ROR2: variants seen among roughly 807,000 people sequenced by gnomAD.
The protein encoded by ROR2 is ROR family WNT receptor 2.
A neutral mutation model predicts 74.9 loss-of-function variants in ROR2; 33 were observed. That is an observed-to-expected ratio of 0.44 (90% CI 0.33 to 0.59). The LOEUF is 0.59. Among genes scored for constraint, ROR2 ranks in the 20% least tolerant of loss-of-function variants. The probability of loss-of-function intolerance (pLI) is 0.02; values close to 1 mark genes in which losing one functional copy is unlikely to be tolerated. For missense variants in ROR2, 1,216 were observed against 1,313.8 expected, an observed-to-expected ratio of 0.93 and a Z score of 1.15; for synonymous variants, 586 against 558.7, an observed-to-expected ratio of 1.05 and a Z score of -0.69.
At chr9:91,933,954 G>A (rs576623744) in intron 1 of ROR2, among the ~76,000 whole-genome samples, 1 of 152,138 alleles carries the variant, frequency 6.6e-6, no homozygotes, top group Non-Finnish European at 1.5e-5. Flanking sequence ...TGGATTAAAA[G>A]ACATTGAATT....
At position 91,903,985 on chromosome 9, in the gene ROR2, G is replaced by A. The variant is rs149618006; in HGVS notation, c.97+45882C>T. Reference sequence around the variant, plus strand: ...AGAAACATGTGAACCATCCCACAAGGTAGGAATCACTGCCCTGACAGGTCA... The same window carrying A: ...AGAAACATGTGAACCATCCCACAAGATAGGAATCACTGCCCTGACAGGTCA... On this transcript the variant is annotated intron_variant, in intron 1 of 8. Coordinates refer to ENST00000375708, the MANE Select transcript of ROR2 (RefSeq NM_004560.4). Among the ~76,000 whole-genome samples, 111 of 152,052 alleles carry A rather than the reference G, an allele frequency of 7.3e-4. 1 individual carries two copies. Among genetic ancestry groups the A allele is most frequent in the African/African-American group, 2.6e-3 (107 of 41,450 alleles).
intron 1 of ROR2, among the ~76,000 whole-genome samples, chr9:91,906,119 CT>C (rs1161060276): frequency 6.6e-6 from 1 of 152,150 alleles, no homozygotes. Context: ...GTCAGCGTCC[CT>C]GAAGCTCCCG....
chr9:91,863,248 A>G (rs1829523265), intron 1 of ROR2, among the ~76,000 whole-genome samples: 1 of 151,916 alleles, frequency 6.6e-6, no homozygotes, highest in Admixed American at 6.6e-5. Flanking sequence ...CTGGTTCTGA[A>G]CTCCTGGCCT....
intron 7 of ROR2, 116 bp downstream of exon 7, chr9:91,730,785 AAGATCAGGG>A: frequency 3.9e-6 from 5 of 1,269,164 alleles, no homozygotes; most frequent in Non-Finnish European, 5.6e-6. Context: ...TCACTGTGGT[AAGATCAGGG>A]GTCTCTGGTC....
At chr9:91,871,460 T>C (rs1407845106) in intron 1 of ROR2, among the ~76,000 whole-genome samples, 1 of 152,206 alleles carries the variant, frequency 6.6e-6, no homozygotes, top group Non-Finnish European at 1.5e-5. Flanking sequence ...CAAACATACA[T>C]ATGCCTGTGA....
intron 1 of ROR2, among the ~76,000 whole-genome samples, chr9:91,872,577 T>C (rs1192791728): frequency 4.6e-5 from 7 of 152,238 alleles, no homozygotes; most frequent in Admixed American, 4.6e-4. Context: ...AAGTCCTACC[T>C]TGGGGCTGGT....
chr9:91,948,806 G>A (rs1421921488), intron 1 of ROR2: 53 of 985,500 alleles, frequency 5.4e-5, no homozygotes, highest in Non-Finnish European at 6.4e-5. Flanking sequence ...GAACCCCATA[G>A]GTCTCTGGCG....
intron 2 of ROR2, among the ~76,000 whole-genome samples, chr9:91,761,364 A>G (rs1683177998): frequency 6.6e-6 from 1 of 152,178 alleles, no homozygotes; most frequent in Non-Finnish European, 1.5e-5. Flanking sequence ...ACAACTCACC[A>G]TAATGTGTAG....
chr9:91,776,074 A>C (rs1826412399), intron 1 of ROR2, among the ~76,000 whole-genome samples: 1 of 152,200 alleles, frequency 6.6e-6, no homozygotes, highest in African/African-American at 2.4e-5. Flanking sequence ...TATGGAAATA[A>C]GTCAGTGGAG....
At chr9:91,804,869 C>G (rs1205999461) in intron 1 of ROR2, among the ~76,000 whole-genome samples, 1 of 152,214 alleles carries the variant, frequency 6.6e-6, no homozygotes, top group Non-Finnish European at 1.5e-5. Context: ...ATTCTACTAT[C>G]TAGCCCTCTC....
At chr9:91,925,163 T>C (rs182937444) in intron 1 of ROR2, among the ~76,000 whole-genome samples, 4 of 152,106 alleles carry the variant, frequency 2.6e-5, no homozygotes, top group Non-Finnish European at 4.4e-5. Context: ...ATGTTTGCAT[T>C]TTTAACAAGC....
intron 1 of ROR2, among the ~76,000 whole-genome samples, chr9:91,846,002 C>T (rs112104154): frequency 1.0e-3 from 152 of 151,814 alleles, no homozygotes; most frequent in African/African-American, 3.6e-3. Context: ...AAGAAGCAAT[C>T]CCATGGTGGT....
intron 1 of ROR2, among the ~76,000 whole-genome samples, chr9:91,871,666 G>A (rs930571538): frequency 1.3e-5 from 2 of 152,172 alleles, no homozygotes; most frequent in Non-Finnish European, 2.9e-5. Context: ...CCCCCAGAAT[G>A]CAAAGAAAGT....
At chr9:91,756,963 T>TA (rs1191251099) in intron 3 of ROR2, among the ~76,000 whole-genome samples, 1 of 152,046 alleles carries the variant, frequency 6.6e-6, no homozygotes, top group Non-Finnish European at 1.5e-5. Context: ...ACTGGCCAAC[T>TA]ACTACCATGT....
intron 7 of ROR2, 107 bp downstream of exon 7, chr9:91,730,803 T>A: frequency 6.9e-7 from 1 of 1,445,740 alleles, no homozygotes; most frequent in Non-Finnish European, 9.5e-7. Context: ...GGGTCTCTGG[T>A]CGCCACCGTA....
chr9:91,936,095 C>T (rs1030680615), intron 1 of ROR2, among the ~76,000 whole-genome samples: 1 of 152,254 alleles, frequency 6.6e-6, no homozygotes, highest in African/African-American at 2.4e-5. Flanking sequence ...ACCACTACCC[C>T]ACTTCCCGAG....
chr9:91,898,746 TCTC>T (rs534400007), intron 1 of ROR2, among the ~76,000 whole-genome samples: 43 of 152,240 alleles, frequency 2.8e-4, no homozygotes, highest in African/African-American at 9.4e-4. Flanking sequence ...AGATTACCCT[TCTC>T]CTGACTATTA....
intron 1 of ROR2, among the ~76,000 whole-genome samples, chr9:91,776,602 G>A (rs1826427160): frequency 6.6e-6 from 1 of 152,220 alleles, no homozygotes; most frequent in African/African-American, 2.4e-5. Flanking sequence ...CCTGGGGGAG[G>A]ACGAGTGGTC....
chr9:91,826,680 A>C (rs1828300952), intron 1 of ROR2, among the ~76,000 whole-genome samples: 1 of 151,744 alleles, frequency 6.6e-6, no homozygotes. Flanking sequence ...GCTACTCGGG[A>C]GGCTGAGGCA....
Sources: allele counts gnomAD v4.1 joint callset (sites outside exome capture counted in the v4.1 genomes callset), GRCh38; gene constraint gnomAD v4.1.1; transcripts MANE v1.5; gene names NCBI Gene and HGNC (gene_info 2026-07-23, HGNC 2026-07-21).